PTPRD: variants seen among roughly 807,000 people sequenced by gnomAD.
The protein encoded by PTPRD is receptor-type tyrosine-protein phosphatase delta.
In PTPRD, 34 loss-of-function variants were observed where a neutral mutation model predicts 214.5. That is an observed-to-expected ratio of 0.16 (90% CI 0.12 to 0.21). The LOEUF (loss-of-function observed/expected upper bound fraction) is 0.21, where lower values mean the gene tolerates loss of function less well. PTPRD is among the 10% of genes least tolerant of loss of function. The pLI, the probability that PTPRD is intolerant of heterozygous loss-of-function variation, is 1.00. For synonymous variants in PTPRD, 1,128 were observed against 845.7 expected, an observed-to-expected ratio of 1.33 and a Z score of -5.79; for missense variants, 2,545 against 2,398.7, an observed-to-expected ratio of 1.06 and a Z score of -1.27.
chr9:9,560,258 C>G (rs1472332386), intron 8 of PTPRD, among the ~76,000 whole-genome samples: 1 of 152,220 alleles, frequency 6.6e-6, no homozygotes, highest in Admixed American at 6.5e-5. Flanking sequence ...AGTAGGTGGT[C>G]TCTGGGACCA....
chr9:9,579,105 A>G (rs1257584977), intron 7 of PTPRD, among the ~76,000 whole-genome samples: 2 of 152,146 alleles, frequency 1.3e-5, no homozygotes, highest in East Asian at 3.9e-4. Context: ...ATTGTACGGC[A>G]TTCTTACAAG....
In PTPRD at chr9:9,373,256, G is replaced by C. The variant is rs570545637; in HGVS notation, c.-203+24193C>G. Among the ~76,000 whole-genome samples the C allele has an allele frequency of 1.2e-4, 18 of 152,150 alleles. No individual in the cohort carries two copies. The East Asian group carries it at 2.1e-3, about 18-fold the overall frequency. On this transcript the variant is annotated intron_variant, in intron 9 of 45. Transcript: ENST00000381196. ...CGTGGACAAGCTACTTAAACTCCCA[G>C]TGCCTCAGAATCCTGCTAAATTTGG... is the stretch of plus-strand genomic sequence containing the variant.
intron 5 of PTPRD, among the ~76,000 whole-genome samples, chr9:9,834,068 A>C (rs551938536): frequency 6.6e-6 from 1 of 152,226 alleles, no homozygotes; most frequent in East Asian, 1.9e-4. Flanking sequence ...ATAAGTGTCC[A>C]TGAAATCTTT....
chr9:9,848,373 A>G (rs1018952637), intron 5 of PTPRD, among the ~76,000 whole-genome samples: 10 of 152,196 alleles, frequency 6.6e-5, no homozygotes, highest in African/African-American at 2.4e-4. Context: ...ATGCATTTCA[A>G]AAGTAGAATC....
At chr9:9,612,375 A>G (rs2094560625) in intron 7 of PTPRD, among the ~76,000 whole-genome samples, 1 of 152,144 alleles carries the variant, frequency 6.6e-6, no homozygotes, top group South Asian at 2.1e-4. Flanking sequence ...TGCTGGGCAT[A>G]TTTCAAATTC....
intron 3 of PTPRD, among the ~76,000 whole-genome samples, chr9:10,070,910 C>G (rs2097997603): frequency 6.6e-6 from 1 of 151,852 alleles, no homozygotes; most frequent in African/African-American, 2.4e-5. Context: ...CTAGAATGAG[C>G]AAGTGAGTAC....
intron 7 of PTPRD, among the ~76,000 whole-genome samples, chr9:9,701,866 C>T (rs192399058): frequency 2.1e-3 from 315 of 152,172 alleles, no homozygotes; most frequent in African/African-American, 7.2e-3. Context: ...CTCCTGTAAT[C>T]CCAGCATTTT....
At chr9:10,382,472 C>G (rs180673254) in intron 2 of PTPRD, among the ~76,000 whole-genome samples, 9 of 151,770 alleles carry the variant, frequency 5.9e-5, no homozygotes, top group Non-Finnish European at 1.2e-4. Context: ...GAAACATTAC[C>G]TCGTCTATGA....
chr9:8,928,918 G>C (rs923787045), intron 11 of PTPRD, among the ~76,000 whole-genome samples: 2 of 152,112 alleles, frequency 1.3e-5, no homozygotes, highest in African/African-American at 4.8e-5. Flanking sequence ...TCCCTCGTAA[G>C]TTGTATTCCT....
At chr9:8,786,813 G>A (rs746012044) in intron 11 of PTPRD, among the ~76,000 whole-genome samples, 1 of 151,962 alleles carries the variant, frequency 6.6e-6, no homozygotes, top group Non-Finnish European at 1.5e-5. Context: ...TTCCCAGAGC[G>A]TGAATCTATT....
At chr9:8,981,204 C>T (rs947775728) in intron 11 of PTPRD, among the ~76,000 whole-genome samples, 2 of 151,604 alleles carry the variant, frequency 1.3e-5, no homozygotes, top group Non-Finnish European at 2.9e-5. Flanking sequence ...TGCTGTATAC[C>T]TAATAAAGAG....
chr9:8,879,165 T>C (rs1463697341), intron 11 of PTPRD, among the ~76,000 whole-genome samples: 1 of 152,192 alleles, frequency 6.6e-6, no homozygotes, highest in Non-Finnish European at 1.5e-5. Flanking sequence ...TATGTTGTCT[T>C]TTCTTGGGCC....
intron 5 of PTPRD, among the ~76,000 whole-genome samples, chr9:9,833,926 C>T (rs944402678): frequency 2.6e-5 from 4 of 152,006 alleles, no homozygotes; most frequent in African/African-American, 9.7e-5. Flanking sequence ...AACACACATG[C>T]TGTATAATTT....
intron 5 of PTPRD, among the ~76,000 whole-genome samples, chr9:9,898,427 C>A (rs1323077368): frequency 6.6e-6 from 1 of 151,964 alleles, no homozygotes; most frequent in Non-Finnish European, 1.5e-5. Context: ...TTCATTTCCA[C>A]TGAAATGAGT....
chr9:9,305,619 G>A (rs1010217609), intron 9 of PTPRD, among the ~76,000 whole-genome samples: 1 of 152,060 alleles, frequency 6.6e-6, no homozygotes, highest in African/African-American at 2.4e-5. Flanking sequence ...TCAGAACACA[G>A]TGTCATTTGG....
chr9:9,451,771 T>C (rs2092246311), intron 8 of PTPRD, among the ~76,000 whole-genome samples: 5 of 151,536 alleles, frequency 3.3e-5, no homozygotes, highest in African/African-American at 9.7e-5. Context: ...ACCAAATAGT[T>C]TTTTTAGAAA....
chr9:8,829,446 G>A (rs1011706548), intron 11 of PTPRD, among the ~76,000 whole-genome samples: 1 of 152,124 alleles, frequency 6.6e-6, no homozygotes, highest in African/African-American at 2.4e-5. Context: ...TTATCATTTT[G>A]TGCATACATC....
chr9:9,384,341 GGC>G, intron 9 of PTPRD, among the ~76,000 whole-genome samples: 1 of 47,184 alleles, frequency 2.1e-5, no homozygotes, highest in Non-Finnish European at 5.6e-5. Flanking sequence ...CAGAAGACTA[GGC>G]TTTTTTTTTT....
chr9:9,085,006 C>A (rs1189310746), intron 10 of PTPRD, among the ~76,000 whole-genome samples: 3 of 152,108 alleles, frequency 2.0e-5, no homozygotes, highest in Non-Finnish European at 2.9e-5. Context: ...TTTAAAACTT[C>A]TATCTTTGCT....
Sources: allele counts gnomAD v4.1 joint callset (sites outside exome capture counted in the v4.1 genomes callset), GRCh38; gene constraint gnomAD v4.1.1; transcripts MANE v1.5; gene names NCBI Gene and HGNC (gene_info 2026-07-23, HGNC 2026-07-21).